The following USH2A variants were observed in gnomAD, a reference collection of about 807,000 sequenced individuals.
USH2A encodes usherin.
In USH2A, 443 loss-of-function variants were observed where a neutral mutation model predicts 538.9. The ratio of observed to expected loss-of-function variants is 0.82; its 90% CI spans 0.76 to 0.89. The LOEUF (loss-of-function observed/expected upper bound fraction) is 0.89, where lower values mean the gene tolerates loss of function less well. USH2A is among the 40% of genes least tolerant of loss of function. The pLI is 0.00. For missense variants in USH2A, 6,633 were observed against 6,324.8 expected, an observed-to-expected ratio of 1.05 and a Z score of -1.65; for synonymous variants, 2,413 against 2,273.5, an observed-to-expected ratio of 1.06 and a Z score of -1.75.
chr1:216,329,879 T>C (rs1416382275), intron 4 of USH2A, among the ~76,000 whole-genome samples: 1 of 152,048 alleles, frequency 6.6e-6, no homozygotes, highest in Non-Finnish European at 1.5e-5. Context: ...TTTGCCAACA[T>C]AATGAGATAT....
At chr1:216,404,183 T>C (rs1194081258) in intron 3 of USH2A, among the ~76,000 whole-genome samples, 1 of 152,212 alleles carries the variant, frequency 6.6e-6, no homozygotes, top group East Asian at 1.9e-4. Context: ...CATGTTTATA[T>C]ATTAGAGGAC....
rs145731949 is a variant in USH2A at position 215,647,542 on chromosome 1, C to A, written c.14771G>T (p.Ser4924Ile). The A allele has an allele frequency of 3.1e-6, 5 of 1,614,010 alleles. No homozygotes were observed. The highest frequency in any genetic ancestry group is 4.2e-6 in the Non-Finnish European group (5 of 1,179,984). ...CTCACATTCTTTTTGGGTGGTGAAA[C>A]TGATCCACTCGGAAGCCGTACTGCC... ...EVGSTASEWI[S>I]FTTQKELPQY... The change falls in exon 67 of 72, where the codon AGT (serine) becomes ATT (isoleucine). Residue 4924 changes from serine (S) to isoleucine (I), a missense_variant. Transcript: ENST00000307340.
At chr1:215,655,581 T>C (rs964419261) in intron 64 of USH2A, among the ~76,000 whole-genome samples, 1 of 152,040 alleles carries the variant, frequency 6.6e-6, no homozygotes, top group Non-Finnish European at 1.5e-5. Flanking sequence ...AAGCAAACAT[T>C]TGTGAACAGA....
chr1:215,752,263 A>G (rs1660644363), intron 58 of USH2A, among the ~76,000 whole-genome samples: 1 of 152,174 alleles, frequency 6.6e-6, no homozygotes, highest in African/African-American at 2.4e-5. Context: ...TTCCTCCATT[A>G]ATTCAGCAAA....
In USH2A at chr1:216,027,502, G is replaced by A. The variant is rs376056807; in HGVS notation, c.6325+18929C>T. 3.5e-4 allele frequency among the ~76,000 whole-genome samples: 53 copies of A among 152,188 alleles called. 1 individual carries two copies. The South Asian group carries it at 6.9e-3, about 20-fold the overall frequency. On this transcript the variant is annotated intron_variant, in intron 32 of 71. Coordinates refer to ENST00000307340, the MANE Select transcript of USH2A (RefSeq NM_206933.4). ...TCCTGTGAGTGGATTAGAAATATAC[G>A]TTATTATTTCAGGTCCGTAGTTAAT...
At chr1:216,331,574 G>T (rs1207379008) in intron 4 of USH2A, among the ~76,000 whole-genome samples, 1 of 152,052 alleles carries the variant, frequency 6.6e-6, no homozygotes, top group Non-Finnish European at 1.5e-5. Flanking sequence ...ACTCTCATTT[G>T]CAGATAGCAT....
At chr1:216,038,073 G>C (rs185714298) in intron 32 of USH2A, among the ~76,000 whole-genome samples, 8 of 152,108 alleles carry the variant, frequency 5.3e-5, no homozygotes, top group Admixed American at 2.0e-4. Context: ...CCTCAATTAG[G>C]AAACAGACAA....
chr1:216,182,959 GA>G (rs1462027686), intron 20 of USH2A, among the ~76,000 whole-genome samples: 14 of 152,092 alleles, frequency 9.2e-5, no homozygotes, highest in Non-Finnish European at 1.8e-4. Flanking sequence ...TCTATGTGAT[GA>G]CCAGCCAGTG....
chr1:215,852,804 C>T (rs894796298), intron 44 of USH2A, among the ~76,000 whole-genome samples: 3 of 152,210 alleles, frequency 2.0e-5, no homozygotes, highest in African/African-American at 7.2e-5. Context: ...CTTTTGAATC[C>T]ATGTCTCACA....
At chr1:216,072,188 A>G (rs1167472641) in intron 29 of USH2A, among the ~76,000 whole-genome samples, 1 of 152,206 alleles carries the variant, frequency 6.6e-6, no homozygotes, top group Non-Finnish European at 1.5e-5. Flanking sequence ...TTGACCCAAA[A>G]TAGTAGAATG....
At chr1:215,672,431 C>G (rs1441375827) in intron 63 of USH2A, among the ~76,000 whole-genome samples, 2 of 151,992 alleles carry the variant, frequency 1.3e-5, no homozygotes, top group African/African-American at 4.8e-5. Flanking sequence ...CTCCTCCTCC[C>G]CTGGTTCTCC....
chr1:216,197,831 T>C (rs907085498), intron 18 of USH2A, among the ~76,000 whole-genome samples: 1 of 152,222 alleles, frequency 6.6e-6, no homozygotes, highest in Non-Finnish European at 1.5e-5. Context: ...CACTTGTGAA[T>C]TATAGATTTT....
chr1:216,137,862 T>G (rs539074518), intron 21 of USH2A, among the ~76,000 whole-genome samples: 1 of 152,308 alleles, frequency 6.6e-6, no homozygotes, highest in South Asian at 2.1e-4. Context: ...CACAGTTTAA[T>G]AGAGCGATCT....
intron 21 of USH2A, among the ~76,000 whole-genome samples, chr1:216,167,424 T>C (rs965781571): frequency 1.3e-5 from 2 of 152,100 alleles, no homozygotes; most frequent in East Asian, 1.9e-4. Context: ...GGCTCAAGCA[T>C]GCGCACTAAG....
At chr1:216,048,785 T>C (rs2030634990) in intron 30 of USH2A, 138 bp from the exon 31 acceptor site, 2 of 801,372 alleles carry the variant, frequency 2.5e-6, no homozygotes, top group Admixed American at 2.0e-5. Flanking sequence ...CAAAAACATA[T>C]TCCTCTTTCA....
chr1:215,953,031 A>T (rs1228010195), intron 37 of USH2A, among the ~76,000 whole-genome samples: 9 of 152,316 alleles, frequency 5.9e-5, no homozygotes, highest in Middle Eastern at 3.4e-3. Flanking sequence ...CTCTTCAAGG[A>T]GAACTACAAA....
intron 20 of USH2A, 54 bp from the exon 21 acceptor site, chr1:216,175,536 C>A: frequency 6.8e-7 from 1 of 1,461,690 alleles, no homozygotes; most frequent in African/African-American, 1.4e-5. Flanking sequence ...TGTCTCTAGA[C>A]ACACATATTC....
At chr1:215,748,145 C>A (rs1004756869) in intron 58 of USH2A, among the ~76,000 whole-genome samples, 1 of 152,150 alleles carries the variant, frequency 6.6e-6, no homozygotes, top group African/African-American at 2.4e-5. Flanking sequence ...CCCGCCTCGG[C>A]CTCCCAAGTT....
At chr1:216,231,637 C>G (rs1473559543) in intron 14 of USH2A, among the ~76,000 whole-genome samples, 2 of 151,860 alleles carry the variant, frequency 1.3e-5, no homozygotes, top group African/African-American at 4.8e-5. Context: ...CAACCTACCC[C>G]TCCCGGTTCA....
Sources: allele counts gnomAD v4.1 joint callset (sites outside exome capture counted in the v4.1 genomes callset), GRCh38; gene constraint gnomAD v4.1.1; transcripts MANE v1.5; gene names NCBI Gene and HGNC (gene_info 2026-07-23, HGNC 2026-07-21).